The following SAMD4A variants were observed in gnomAD, a reference collection of about 807,000 sequenced individuals.
SAMD4A encodes sterile alpha motif domain containing 4A.
In SAMD4A, 33 loss-of-function variants were observed where a neutral mutation model predicts 81.3. That is an observed-to-expected ratio of 0.41 (90% confidence interval 0.31 to 0.54). The LOEUF is 0.54. Ranked by LOEUF, SAMD4A falls within the 20% of genes least tolerant of loss-of-function variation. The pLI, the probability that SAMD4A is intolerant of heterozygous loss-of-function variation, is 0.37. For missense variants in SAMD4A, 854 were observed against 951.1 expected, an observed-to-expected ratio of 0.90 and a Z score of 1.34; for synonymous variants, 389 against 382.1, an observed-to-expected ratio of 1.02 and a Z score of -0.21.
At chr14:54,625,291 A>G (rs1054038145) in intron 2 of SAMD4A, among the ~76,000 whole-genome samples, 18 of 152,240 alleles carry the variant, frequency 1.2e-4, no homozygotes, top group African/African-American at 4.1e-4. Context: ...TGTTGCGTGC[A>G]TTCAGATCGA....
intron 2 of SAMD4A, among the ~76,000 whole-genome samples, chr14:54,675,367 C>CAAAA (rs59110762): frequency 1.1e-4 from 8 of 75,380 alleles, no homozygotes; most frequent in African/African-American, 2.4e-4. Flanking sequence ...ACTCCGTCTC[C>CAAAA]AAAAAAAAAA....
At chr14:54,725,032 A>G (rs1470340587) in intron 3 of SAMD4A, among the ~76,000 whole-genome samples, 1 of 152,176 alleles carries the variant, frequency 6.6e-6, no homozygotes, top group Non-Finnish European at 1.5e-5. Flanking sequence ...TTGTGACCTC[A>G]AGCTTTTAGG....
At chr14:54,574,751 C>T (rs758894282) in intron 2 of SAMD4A, among the ~76,000 whole-genome samples, 1 of 152,162 alleles carries the variant, frequency 6.6e-6, no homozygotes. Flanking sequence ...CTCTAACTAG[C>T]GTTGAGCAAT....
intron 2 of SAMD4A, among the ~76,000 whole-genome samples, chr14:54,637,897 AG>A (rs2035074514): frequency 6.6e-6 from 1 of 152,194 alleles, no homozygotes; most frequent in Non-Finnish European, 1.5e-5. Context: ...TTATTAAGAA[AG>A]CCTCATACAC....
At chr14:54,635,598 A>G (rs1274219404) in intron 2 of SAMD4A, among the ~76,000 whole-genome samples, 1 of 145,950 alleles carries the variant, frequency 6.9e-6, no homozygotes, top group Non-Finnish European at 1.5e-5. Flanking sequence ...AAATACAAAA[A>G]TTAGCTGGGT....
chr14:54,658,751 C>A (rs924621483), intron 2 of SAMD4A, among the ~76,000 whole-genome samples: 3 of 152,246 alleles, frequency 2.0e-5, no homozygotes, highest in Non-Finnish European at 2.9e-5. Context: ...GTCATTCCAT[C>A]TCCCCAGTGT....
Position 54,676,892 on chromosome 14 carries a change from G to A in SAMD4A, c.197-25170G>A, listed in dbSNP as rs545332283. Among the ~76,000 whole-genome samples the A allele has an allele frequency of 3.9e-5, 6 of 152,364 alleles. No individual in the cohort carries two copies. In the South Asian group the frequency reaches 1.2e-3, roughly 32 times the overall value. On this transcript the variant is annotated intron_variant, in intron 2 of 12. Coordinates refer to ENST00000554335, the MANE Select transcript of SAMD4A (RefSeq NM_015589.6). Reference sequence around the variant, plus strand: ...CGAAATGGCAGCAGGGAACATGACAGGATGCAGAAGAGATCCTCGCAGTCT... The same window carrying A: ...CGAAATGGCAGCAGGGAACATGACAAGATGCAGAAGAGATCCTCGCAGTCT...
rs114426809 is a variant in SAMD4A at position 54,598,634 on chromosome 14, T to A, written c.196+30522T>A. Among the ~76,000 whole-genome samples, 807 of 152,314 alleles carry A rather than the reference T, an allele frequency of 5.3e-3. 12 individuals carry two copies. The highest frequency in any genetic ancestry group is 0.018 in the African/African-American group (762 of 41,574). On this transcript the variant is annotated intron_variant, in intron 2 of 12. Transcript: ENST00000554335. ...TGTCAAAAGTTACTATTCCTCTCTCTCACCCCTTTTAAAAATTGCTGTATT... is the reference window on the plus strand; with the variant it reads ...TGTCAAAAGTTACTATTCCTCTCTCACACCCCTTTTAAAAATTGCTGTATT...
At chr14:54,607,442 G>A (rs1266830129) in intron 2 of SAMD4A, among the ~76,000 whole-genome samples, 5 of 151,158 alleles carry the variant, frequency 3.3e-5, no homozygotes, top group African/African-American at 1.2e-4. Flanking sequence ...CTTGAGGTCA[G>A]GAGTTCAAGG....
Position 54,610,287 on chromosome 14 carries a change from G to A in SAMD4A, c.196+42175G>A, listed in dbSNP as rs74802470. Among the ~76,000 whole-genome samples, 706 of 152,236 alleles carry A rather than the reference G, an allele frequency of 4.6e-3. 6 individuals are homozygous for A. The highest frequency in any genetic ancestry group is 0.016 in the African/African-American group (661 of 41,530). ...CATTTTCATTGGAAATGTCAAGAAT[G>A]TATTTCTACAAAAATATAAACTGAA... On this transcript the variant is annotated intron_variant, in intron 2 of 12. Coordinates refer to ENST00000554335, the MANE Select transcript of SAMD4A (RefSeq NM_015589.6).
intron 2 of SAMD4A, among the ~76,000 whole-genome samples, chr14:54,669,792 G>A (rs2035838273): frequency 6.6e-6 from 1 of 152,200 alleles, no homozygotes; most frequent in Admixed American, 6.5e-5. Context: ...CTGTCGCTTA[G>A]TAGCATGGAA....
At chr14:54,631,239 G>C (rs1179163587) in intron 2 of SAMD4A, among the ~76,000 whole-genome samples, 1 of 152,068 alleles carries the variant, frequency 6.6e-6, no homozygotes, top group Non-Finnish European at 1.5e-5. Context: ...CCACATTATG[G>C]ATGGCACCCT....
intron 2 of SAMD4A, among the ~76,000 whole-genome samples, chr14:54,674,586 G>A (rs1265140491): frequency 2.6e-5 from 4 of 152,162 alleles, no homozygotes; most frequent in African/African-American, 9.7e-5. Context: ...TTTAGTCTCT[G>A]CCAGCAGGAG....
chr14:54,729,839 C>A (rs2037514407), intron 3 of SAMD4A, among the ~76,000 whole-genome samples: 1 of 152,130 alleles, frequency 6.6e-6, no homozygotes. Flanking sequence ...TTTAGGATTT[C>A]TTGATTTGAA....
intron 2 of SAMD4A, among the ~76,000 whole-genome samples, chr14:54,573,237 G>T (rs1030698828): frequency 6.6e-6 from 1 of 152,158 alleles, no homozygotes; most frequent in African/African-American, 2.4e-5. Flanking sequence ...ATTTGGGTTT[G>T]GTTGTATCGC....
chr14:54,719,533 T>A (rs1309425773), intron 3 of SAMD4A, among the ~76,000 whole-genome samples: 1 of 152,184 alleles, frequency 6.6e-6, no homozygotes, highest in Admixed American at 6.5e-5. Flanking sequence ...TTCCCTTCTT[T>A]GTGACACACT....
rs376751481 is a variant in SAMD4A at position 54,585,670 on chromosome 14, A to G, written c.196+17558A>G. Among the ~76,000 whole-genome samples the G allele has an allele frequency of 4.6e-5, 7 of 152,278 alleles. No individual in the cohort carries two copies. In the East Asian group the frequency reaches 1.2e-3, roughly 25 times the overall value. On this transcript the variant is annotated intron_variant, in intron 2 of 12. Coordinates refer to ENST00000554335, the MANE Select transcript of SAMD4A (RefSeq NM_015589.6). ...TGCATTCACATAGCGTAACTCCCAC[A>G]TATGAGTGAGAACATAGGATGTTTG...
intron 11 of SAMD4A, chr14:54,784,157 G>A: frequency 3.4e-6 from 2 of 585,720 alleles, no homozygotes; most frequent in Non-Finnish European, 6.2e-6. Context: ...GCCTGGGGCA[G>A]AGCAGAGGAA....
At chr14:54,669,138 G>A (rs1412972145) in intron 2 of SAMD4A, among the ~76,000 whole-genome samples, 2 of 152,210 alleles carry the variant, frequency 1.3e-5, no homozygotes, top group African/African-American at 4.8e-5. Context: ...AGTAGCTACA[G>A]CTTGGATCAT....
Sources: allele counts gnomAD v4.1 joint callset (sites outside exome capture counted in the v4.1 genomes callset), GRCh38; gene constraint gnomAD v4.1.1; transcripts MANE v1.5; gene names NCBI Gene and HGNC (gene_info 2026-07-23, HGNC 2026-07-21).